The following ABHD8 variants were observed in gnomAD, a reference collection of about 807,000 sequenced individuals.
ABHD8 encodes the protein protein ABHD8.
ABHD8 carries 10 observed loss-of-function variants against 29.3 expected under a neutral mutation model. The observed-to-expected ratio is 0.34, with a 90% CI of 0.21 to 0.58. The LOEUF (loss-of-function observed/expected upper bound fraction) is 0.58, where lower values mean the gene tolerates loss of function less well. Ranked by LOEUF, ABHD8 falls within the 20% of genes least tolerant of loss-of-function variation. The pLI is 0.85. For synonymous variants in ABHD8, 282 were observed against 274.6 expected (o/e 1.03, Z -0.27); for missense variants, 556 against 615.3 (o/e 0.90, Z 1.02).
At position 17,292,661 on chromosome 19, in the gene ABHD8, C is replaced by T; in HGVS notation, c.1320G>A (p.Ter440=). Residue 440 remains the stop codon, a stop_retained_variant, in exon 5 of 5, where the codon TAG becomes TAA. Coordinates refer to ENST00000247706, the MANE Select transcript of ABHD8 (RefSeq NM_024527.5). ...PLPAPPEDKK[*] ...AAGCGATGCCCCGCCGGCCCAGCGGCTACTTCTTGTCTTCTGGAGGCGCCG... is the reference window on the plus strand; with the variant it reads ...AAGCGATGCCCCGCCGGCCCAGCGGTTACTTCTTGTCTTCTGGAGGCGCCG... 6.2e-7 allele frequency: 1 copy of T among 1,608,592 alleles called. No homozygotes were observed. Among genetic ancestry groups the T allele is most frequent in the Non-Finnish European group, 8.5e-7 (1 of 1,177,878 alleles).
chr19:17,292,715 G>A lies in ABHD8; in HGVS notation c.1266C>T (p.Pro422=). The part of the protein sequence containing the change: ...LHEFLLWEPE[P]SPKALPEPLP... ...GTGGCTCCGGTAGAGCCTTGGGCGA[G>A]GGCTCGGGCTCCCAGAGCAGGAATT... is the stretch of plus-strand genomic sequence containing the variant. Residue 422 remains proline, a synonymous_variant, in exon 5 of 5, where the codon CCC becomes CCT. Transcript: ENST00000247706. 6.2e-7 allele frequency: 1 copy of A among 1,613,538 alleles called. No individual in the cohort carries two copies. Among genetic ancestry groups the A allele is most frequent in the Non-Finnish European group, 8.5e-7 (1 of 1,179,904 alleles).
intron 4 of ABHD8, among the ~76,000 whole-genome samples, chr19:17,293,470 TGGGCGGGGAAG>T (rs1247939937): frequency 1.7e-4 from 3 of 17,194 alleles, no homozygotes; most frequent in Non-Finnish European, 2.4e-4. Flanking sequence ...GGGGCGGGGG[TGGGCGGGGAAG>T]GGGCGGGTAG....
At chr19:17,298,789 G>A (rs1305189958) in intron 2 of ABHD8, among the ~76,000 whole-genome samples, 2 of 140,356 alleles carry the variant, frequency 1.4e-5, no homozygotes, top group Non-Finnish European at 3.0e-5. Flanking sequence ...TGCTCAGGCT[G>A]GAGTGCAGTG....
At position 17,292,443 on chromosome 19, in the gene ABHD8, C is replaced by T. The variant is rs1419215819; in HGVS notation, c.*218G>A. ...GGTCCCGGCTGCGGCCCCAAAACGC[C>T]GATGGGCCCCGCGGGACGGAAGCGG... is the stretch of plus-strand genomic sequence containing the variant. On this transcript the variant is annotated 3_prime_UTR_variant, in exon 5 of 5. Transcript: ENST00000247706. The T allele has an allele frequency of 7.1e-6, 4 of 563,354 alleles. No homozygotes were observed. Among genetic ancestry groups the T allele is most frequent in the South Asian group, 5.8e-5 (2 of 34,396 alleles). 34.9% of individuals were successfully genotyped at this position (563,354 alleles called of 1,614,324 possible).
intron 2 of ABHD8, chr19:17,296,783 C>A (rs1409403858): frequency 6.6e-6 from 1 of 152,006 alleles, no homozygotes; most frequent in Non-Finnish European, 1.5e-5. Context: ...CAACCTCCGC[C>A]TCCCGGGTTC....
At position 17,301,440 on chromosome 19, in the gene ABHD8, T is replaced by G. The variant is rs1204414838; in HGVS notation, c.177A>C (p.Pro59=). ...CTGCATCCGAGGATGCGGATGATGG[T>G]GGAGGTGGGGCAGCGGCTGGGGCGG... ...AGPAPAAAPP[P]PSSASSDAAQ... Residue 59 remains proline (P), a synonymous_variant, in exon 2 of 5, where the codon CCA becomes CCC. Transcript: ENST00000247706. The G allele has an allele frequency of 2.9e-5, 47 of 1,611,802 alleles. No individual in the cohort carries two copies. The highest frequency in any genetic ancestry group is 3.7e-5 in the Non-Finnish European group (44 of 1,179,766).
rs536054282 is a variant in ABHD8, at chr19:17,301,092, G to C, written c.525C>G (p.Asp175Glu). Reference sequence around the variant, plus strand: ...CACCATGGATGAAAAAGAGCACCACGTCGGCCTGGGCGCCTTTGCAGCTAG... The same window carrying C: ...CACCATGGATGAAAAAGAGCACCACCTCGGCCTGGGCGCCTTTGCAGCTAG... ...RITSCKGAQA[D>E]VVLFFIHGVG... The change falls in exon 2 of 5, where the codon GAC becomes GAG. Residue 175 changes from aspartate to glutamate, a missense_variant. By Grantham distance (45) the Asp-to-Glu change is conservative. This residue lies in a region of ABHD8 where 286 missense variants were observed against 261.4 expected (regional missense o/e 1.09). Coordinates refer to ENST00000247706, the MANE Select transcript of ABHD8 (RefSeq NM_024527.5). 1 of 1,613,440 alleles carries C rather than the reference G, an allele frequency of 6.2e-7. No homozygotes were observed. Among genetic ancestry groups the C allele is most frequent in the Admixed American group, 1.7e-5 (1 of 60,026 alleles).
Position 17,292,681 on chromosome 19 carries a change from G to A in ABHD8, c.1300C>T (p.Pro434Ser). The A allele has an allele frequency of 6.2e-7, 1 of 1,611,530 alleles. No individual in the cohort carries two copies. The highest frequency in any genetic ancestry group is 8.5e-7 in the Non-Finnish European group (1 of 1,179,308). Residue 434 changes from proline to serine, a missense_variant, in exon 5 of 5, where the codon CCT becomes TCT. Coordinates refer to ENST00000247706, the MANE Select transcript of ABHD8 (RefSeq NM_024527.5). ...AGCGGCTACTTCTTGTCTTCTGGAGGCGCCGGCAGTGGCTCCGGTAGAGCC... is the reference window on the plus strand; with the variant it reads ...AGCGGCTACTTCTTGTCTTCTGGAGACGCCGGCAGTGGCTCCGGTAGAGCC... Reference protein sequence around the residue: ...PKALPEPLPAPPEDKK With the variant: ...PKALPEPLPASPEDKK
chr19:17,301,568 G>A lies in ABHD8; in HGVS notation c.49C>T (p.Pro17Ser), dbSNP rs146901681. The change falls in exon 2 of 5, where the codon CCC becomes TCC. Residue 17 changes from proline (P) to serine (S), a missense_variant. Pro to Ser is a moderately conservative substitution (Grantham distance 74). Coordinates refer to ENST00000247706, the MANE Select transcript of ABHD8 (RefSeq NM_024527.5). ...TCCAGTGGCCCCACGGCGTTGGGGGGCGTGCCCAGCAGGCAACAGAAGATA... is the reference window on the plus strand; with the variant it reads ...TCCAGTGGCCCCACGGCGTTGGGGGACGTGCCCAGCAGGCAACAGAAGATA... ...DGIFCCLLGT[P>S]PNAVGPLESV... 4.1e-5 allele frequency: 65 copies of A among 1,596,372 alleles called. No homozygotes were observed. The African/African-American group carries it at 4.8e-4, about 12-fold the overall frequency.
intron 2 of ABHD8, among the ~76,000 whole-genome samples, chr19:17,299,589 G>T (rs1215751667): frequency 6.9e-6 from 1 of 145,928 alleles, no homozygotes; most frequent in African/African-American, 2.5e-5. Context: ...AAAAATTAAG[G>T]CTGAGCACAA....
chr19:17,294,330 G>C lies in ABHD8; in HGVS notation c.1107C>G (p.His369Gln). ...CTTCCTCCACCGGCACAAACTTATC[G>C]TGCATGCCGTGGACAAGCAGGACGG... ...TVPVLLVHGM[H>Q]DKFVPVEEDQ... Residue 369 changes from histidine to glutamine, a missense_variant, in exon 4 of 5, where the codon CAC becomes CAG. Around this residue, in one of 2 missense-constraint regions of ABHD8, gnomAD observed 270 missense variants for 353.9 expected, o/e 0.76. Coordinates refer to ENST00000247706, the MANE Select transcript of ABHD8 (RefSeq NM_024527.5). The C allele has an allele frequency of 6.2e-7, 1 of 1,611,620 alleles. No individual in the cohort carries two copies. The highest frequency in any genetic ancestry group is 8.5e-7 in the Non-Finnish European group (1 of 1,179,952).
At chr19:17,294,525 G>T (rs1199043453) in intron 3 of ABHD8, 21 bp from the exon 4 acceptor site, 1 of 1,613,114 alleles carries the variant, frequency 6.2e-7, no homozygotes, top group Admixed American at 1.7e-5. Flanking sequence ...TGGAGGCACC[G>T]CTAGAGCCCC....
chr19:17,294,393 G>T lies in ABHD8; in HGVS notation c.1044C>A (p.Pro348=), dbSNP rs556911878. ...CGGCGTGGTAGACCTCGTCGCCCTC[G>T]GGCCAGTACTGGCCGCTCATCATGG... ...LRAMMSGQYW[P]EGDEVYHAEL... The change falls in exon 4 of 5, where the codon CCC becomes CCA. Residue 348 remains proline (P), a synonymous_variant. Transcript: ENST00000247706. The T allele has an allele frequency of 6.2e-7, 1 of 1,614,032 alleles. No individual in the cohort carries two copies. Among genetic ancestry groups the T allele is most frequent in the Admixed American group, 1.7e-5 (1 of 60,018 alleles).
chr19:17,300,954 C>T lies in ABHD8; in HGVS notation c.663G>A (p.Val221=), dbSNP rs1464589771. The change falls in exon 2 of 5, where the codon GTG becomes GTA. Residue 221 remains valine, a synonymous_variant. Coordinates refer to ENST00000247706, the MANE Select transcript of ABHD8 (RefSeq NM_024527.5). ...AGHGASSAPQ[V]AAAYTFYALA... ...GCGCATAGAAGGTGTAGGCTGCGGC[C>T]ACCTGGGGCGCAGAGCTGGCCCCGT... 6.2e-7 allele frequency: 1 copy of T among 1,613,492 alleles called. No homozygotes were observed. The highest frequency in any genetic ancestry group is 1.3e-5 in the African/African-American group (1 of 75,060).
Position 17,300,894 on chromosome 19 carries a change from A to G in ABHD8, c.723T>C (p.Tyr241=). ...CAATGAGCACATTTCGCTTCTTGGCATAGCGCTTGAAGATTGCTCGCATGT... is the reference window on the plus strand; with the variant it reads ...CAATGAGCACATTTCGCTTCTTGGCGTAGCGCTTGAAGATTGCTCGCATGT... The part of the protein sequence containing the change: ...AEDMRAIFKR[Y]AKKRNVLIGH... Residue 241 remains tyrosine, a synonymous_variant, in exon 2 of 5, where the codon TAT becomes TAC. Transcript: ENST00000247706. The G allele has an allele frequency of 6.2e-7, 1 of 1,603,358 alleles. No individual in the cohort carries two copies. The highest frequency in any genetic ancestry group is 8.5e-7 in the Non-Finnish European group (1 of 1,172,352).
Position 17,292,494 on chromosome 19 carries a change from T to C in ABHD8, c.*167A>G. 1 of 804,564 alleles carries C rather than the reference T, an allele frequency of 1.2e-6. No homozygotes were observed. Among genetic ancestry groups the C allele is most frequent in the Non-Finnish European group, 1.8e-6 (1 of 551,012 alleles). The allele number at this position is 804,564 out of a possible 1,614,324, so 49.8% of individuals were successfully genotyped here. On this transcript the variant is annotated 3_prime_UTR_variant, in exon 5 of 5. Transcript: ENST00000247706. ...AGAGCGGAATGTCCGCTGGGCTCCC[T>C]CGGATGCCACGCCCCGCCCAGGCAG...
intron 2 of ABHD8, 64 bp downstream of exon 2, chr19:17,300,792 T>C: frequency 6.6e-7 from 1 of 1,510,290 alleles, no homozygotes; most frequent in South Asian, 1.3e-5. Context: ...ACTCAGTATT[T>C]TGTGACTGTA....
At chr19:17,293,997 C>T (rs1207842123) in intron 4 of ABHD8, among the ~76,000 whole-genome samples, 2 of 152,146 alleles carry the variant, frequency 1.3e-5, no homozygotes, top group African/African-American at 4.8e-5. Context: ...TACAAATCCT[C>T]CGCTGTGAGG....
intron 2 of ABHD8, among the ~76,000 whole-genome samples, chr19:17,299,418 A>G (rs1174586077): frequency 2.0e-5 from 3 of 151,916 alleles, no homozygotes; most frequent in South Asian, 4.2e-4. Flanking sequence ...AAAATTAGCC[A>G]GGCATGGTAG....
Sources: allele counts gnomAD v4.1 joint callset (sites outside exome capture counted in the v4.1 genomes callset), GRCh38; gene constraint gnomAD v4.1.1; regional missense constraint gnomAD v4.1.1; transcripts MANE v1.5; gene names NCBI Gene and HGNC (gene_info 2026-07-23, HGNC 2026-07-21).